IDE: variants seen among roughly 807,000 people sequenced by gnomAD.
IDE encodes the protein insulin degrading enzyme.
Under a neutral mutation model 133.2 loss-of-function variants are expected in IDE, and 58 were observed. That is an observed-to-expected ratio of 0.44 (90% CI 0.35 to 0.54). The LOEUF is 0.54. Ranked by LOEUF, IDE falls within the 20% of genes least tolerant of loss-of-function variation. The probability of loss-of-function intolerance (pLI) is 0.00; values close to 1 mark genes in which losing one functional copy is unlikely to be tolerated. For synonymous variants in IDE, 396 were observed against 421.3 expected (o/e 0.94, Z 0.73); for missense variants, 981 against 1,234.0 (o/e 0.79, Z 3.07).
chr10:92,561,200 A>G (rs1019121801), intron 1 of IDE, among the ~76,000 whole-genome samples: 18 of 151,162 alleles, frequency 1.2e-4, no homozygotes, highest in African/African-American at 4.4e-4. Context: ...AGGTTGCAGT[A>G]AGCCGAGATG....
In IDE at chr10:92,574,022, G is replaced by A. The variant is rs1256586691; in HGVS notation, c.-3C>T. ...AGCCACGCTAGCCGGTACCGCATTA[G>A]CCAGCGCAGTCGCCGGGATCACCGC... is the stretch of plus-strand genomic sequence containing the variant. On this transcript the variant is annotated 5_prime_UTR_variant, in exon 1 of 25. Coordinates refer to ENST00000265986, the MANE Select transcript of IDE (RefSeq NM_004969.4). 6.6e-7 allele frequency: 1 copy of A among 1,510,868 alleles called. No homozygotes were observed. The highest frequency in any genetic ancestry group is 8.8e-7 in the Non-Finnish European group (1 of 1,131,902). 93.6% of individuals were successfully genotyped at this position (1,510,868 alleles called of 1,614,324 possible).
intron 1 of IDE, chr10:92,572,856 C>A (rs902056757): frequency 6.1e-6 from 6 of 981,368 alleles, no homozygotes; most frequent in African/African-American, 3.5e-5. Context: ...CCTACCCCCC[C>A]ATCTCTGGCC....
chr10:92,501,982 A>T (rs559762823), intron 11 of IDE, among the ~76,000 whole-genome samples: 28 of 152,250 alleles, frequency 1.8e-4, no homozygotes, highest in African/African-American at 5.1e-4. Context: ...ATCTAAAAAA[A>T]AATAATAATA....
intron 4 of IDE, among the ~76,000 whole-genome samples, chr10:92,516,391 G>A (rs12780132): frequency 0.015 from 2,262 of 152,112 alleles, 20 homozygotes; most frequent in Non-Finnish European, 0.025. Context: ...CTACTCGGGA[G>A]GCTGAGGGAT....
chr10:92,568,361 T>C (rs749338075), intron 1 of IDE, among the ~76,000 whole-genome samples: 9 of 152,158 alleles, frequency 5.9e-5, no homozygotes, highest in Non-Finnish European at 1.3e-4. Flanking sequence ...ATGAATGATG[T>C]TAAATGAAAG....
intron 4 of IDE, among the ~76,000 whole-genome samples, chr10:92,526,114 C>T (rs1452850771): frequency 6.7e-6 from 1 of 150,264 alleles, no homozygotes; most frequent in Non-Finnish European, 1.5e-5. Context: ...GATGGCGCCA[C>T]TGCACTCCAG....
chr10:92,472,684 G>A (rs1170007272), intron 17 of IDE, among the ~76,000 whole-genome samples: 2 of 150,098 alleles, frequency 1.3e-5, no homozygotes, highest in East Asian at 1.9e-4. Context: ...CTGTTGCCAG[G>A]CTGGAGTGCA....
intron 20 of IDE, among the ~76,000 whole-genome samples, chr10:92,465,028 G>T (rs1194402486): frequency 1.3e-5 from 2 of 152,158 alleles, no homozygotes; most frequent in Non-Finnish European, 2.9e-5. Context: ...TTCCTTTACA[G>T]GCCTGCCATC....
intron 5 of IDE, among the ~76,000 whole-genome samples, chr10:92,513,392 C>T (rs1848729469): frequency 6.6e-6 from 1 of 152,136 alleles, no homozygotes; most frequent in Non-Finnish European, 1.5e-5. Context: ...GGGGTTTCGC[C>T]ATGTTGGCTG....
At chr10:92,495,340 C>T (rs1053286407) in intron 11 of IDE, among the ~76,000 whole-genome samples, 1 of 151,954 alleles carries the variant, frequency 6.6e-6, no homozygotes, top group Non-Finnish European at 1.5e-5. Context: ...CCTGCCTCAG[C>T]CTCCTGAGTA....
At chr10:92,567,553 T>C (rs1209201564) in intron 1 of IDE, among the ~76,000 whole-genome samples, 3 of 152,354 alleles carry the variant, frequency 2.0e-5, no homozygotes, top group East Asian at 3.9e-4. Context: ...AGCTTTCATA[T>C]GTCACTGAAT....
At chr10:92,523,295 C>T (rs1849329171) in intron 4 of IDE, among the ~76,000 whole-genome samples, 3 of 151,850 alleles carry the variant, frequency 2.0e-5, no homozygotes, top group Admixed American at 6.6e-5. Flanking sequence ...GCAGGAGAAT[C>T]GTTTGAACCC....
chr10:92,484,719 A>C (rs1299361461), intron 13 of IDE, among the ~76,000 whole-genome samples: 2 of 151,754 alleles, frequency 1.3e-5, no homozygotes, highest in Non-Finnish European at 2.9e-5. Context: ...GGCAACGGAG[A>C]GAGACTCTGT....
chr10:92,511,949 G>A (rs780492703), intron 5 of IDE, among the ~76,000 whole-genome samples: 4 of 152,252 alleles, frequency 2.6e-5, no homozygotes, highest in Non-Finnish European at 4.4e-5. Context: ...TTCCTCTTGC[G>A]TATTTCTACC....
intron 4 of IDE, among the ~76,000 whole-genome samples, chr10:92,523,327 G>C (rs1480395975): frequency 6.6e-6 from 1 of 151,968 alleles, no homozygotes; most frequent in African/African-American, 2.4e-5. Context: ...GCTGTAGTGA[G>C]CCGAGATCAT....
chr10:92,525,149 A>G (rs1589475860), intron 4 of IDE, among the ~76,000 whole-genome samples: 2 of 151,936 alleles, frequency 1.3e-5, no homozygotes, highest in East Asian at 3.9e-4. Flanking sequence ...GCTACTGGGG[A>G]GGCTGAGGCA....
intron 1 of IDE, among the ~76,000 whole-genome samples, chr10:92,571,796 A>T (rs1427888219): frequency 1.3e-5 from 2 of 152,264 alleles, no homozygotes; most frequent in Non-Finnish European, 2.9e-5. Context: ...CTCCGATGCC[A>T]GATAGACATG....
chr10:92,521,825 T>C (rs1009785952), intron 4 of IDE, among the ~76,000 whole-genome samples: 1 of 152,188 alleles, frequency 6.6e-6, no homozygotes, highest in Admixed American at 6.5e-5. Context: ...ACTAACTGGA[T>C]ATTTGATAAT....
rs532861372 is a variant in IDE at position 92,564,671 on chromosome 10, C to CAAAAAAAAAA, written c.98+9241_98+9250dup. 5.1e-4 allele frequency among the ~76,000 whole-genome samples: 16 copies of CAAAAAAAAAA among 31,586 alleles called. 3 individuals carry two copies. The highest frequency in any genetic ancestry group is 9.9e-4 in the South Asian group (1 of 1,012). The allele number at this position is 31,586 out of a possible 152,430, so 20.7% of individuals were successfully genotyped here. A position where few individuals can be genotyped will look rare whatever the true frequency, so the allele number is the denominator to read the frequency against. ...CCTGGGCGATAAAGCGAGACTGTCT[C>CAAAAAAAAAA]AAAAAAAAAAAAAAAAAAAAAAAAA... On this transcript the variant is annotated intron_variant, in intron 1 of 24. Coordinates refer to ENST00000265986, the MANE Select transcript of IDE (RefSeq NM_004969.4).
Sources: allele counts gnomAD v4.1 joint callset (sites outside exome capture counted in the v4.1 genomes callset), GRCh38; gene constraint gnomAD v4.1.1; transcripts MANE v1.5; gene names NCBI Gene and HGNC (gene_info 2026-07-23, HGNC 2026-07-21).